The following PTPRQ variants were observed in gnomAD, a reference collection of about 807,000 sequenced individuals.
PTPRQ encodes the protein phosphatidylinositol phosphatase PTPRQ.
A neutral mutation model predicts 246.0 loss-of-function variants in PTPRQ; 199 were observed. The ratio of observed to expected loss-of-function variants is 0.81; its 90% CI spans 0.72 to 0.91. The LOEUF (loss-of-function observed/expected upper bound fraction) is 0.91, where lower values mean the gene tolerates loss of function less well. PTPRQ is among the 40% of genes least tolerant of loss of function. PTPRQ has a pLI of 0.00. For missense variants in PTPRQ, 2,624 were observed against 2,528.4 expected, an observed-to-expected ratio of 1.04 and a Z score of -0.81; for synonymous variants, 869 against 853.2, an observed-to-expected ratio of 1.02 and a Z score of -0.32.
intron 25 of PTPRQ, chr12:80,584,044 C>T (rs558146125): frequency 4.6e-5 from 7 of 152,224 alleles, no homozygotes; most frequent in Non-Finnish European, 7.4e-5. Context: ...TTTCTGAAAA[C>T]GGCCAAAAAT....
chr12:80,466,907 G>A (rs1367133675), intron 6 of PTPRQ, among the ~76,000 whole-genome samples: 26 of 152,082 alleles, frequency 1.7e-4, no homozygotes, highest in Non-Finnish European at 1.3e-4. Flanking sequence ...AAAAACCCTA[G>A]AAGTAAACCT....
chr12:80,602,304 A>G (rs1397085665), intron 26 of PTPRQ, among the ~76,000 whole-genome samples: 2 of 151,850 alleles, frequency 1.3e-5, no homozygotes, highest in Non-Finnish European at 2.9e-5. Flanking sequence ...AATTCCATAG[A>G]CATAATGTTA....
intron 32 of PTPRQ, among the ~76,000 whole-genome samples, chr12:80,621,211 T>C (rs1374382244): frequency 6.6e-6 from 1 of 151,924 alleles, no homozygotes; most frequent in Non-Finnish European, 1.5e-5. Flanking sequence ...TAAATGCAAT[T>C]ACTTTGGTTC....
intron 25 of PTPRQ, among the ~76,000 whole-genome samples, chr12:80,560,670 T>G (rs1896796392): frequency 6.6e-6 from 1 of 152,218 alleles, no homozygotes; most frequent in Admixed American, 6.5e-5. Context: ...ACAGATACTC[T>G]TACACATAAC....
At chr12:80,626,120 G>C (rs767695072) in intron 33 of PTPRQ, among the ~76,000 whole-genome samples, 8 of 152,134 alleles carry the variant, frequency 5.3e-5, no homozygotes, top group Non-Finnish European at 8.8e-5. Flanking sequence ...TGCTCACTTA[G>C]ATTCAGAAAT....
At chr12:80,543,635 T>C (rs3860255) in intron 23 of PTPRQ, among the ~76,000 whole-genome samples, 61,131 of 152,032 alleles carry the variant, frequency 0.4, 16,045 homozygotes, top group African/African-American at 0.75. Context: ...ATATTATGAG[T>C]ATTACAATTT....
intron 8 of PTPRQ, among the ~76,000 whole-genome samples, chr12:80,481,878 A>G (rs1336793157): frequency 6.6e-6 from 1 of 151,822 alleles, no homozygotes; most frequent in African/African-American, 2.4e-5. Flanking sequence ...ATAAAAGAGG[A>G]TACAAACAAA....
At chr12:80,585,811 C>A (rs1298950291) in intron 25 of PTPRQ, among the ~76,000 whole-genome samples, 3 of 150,768 alleles carry the variant, frequency 2.0e-5, no homozygotes, top group African/African-American at 7.3e-5. Flanking sequence ...TATACATGTG[C>A]CATGCTGGTG....
chr12:80,611,880 C>A (rs1190324278), intron 28 of PTPRQ, among the ~76,000 whole-genome samples: 1 of 150,420 alleles, frequency 6.6e-6, no homozygotes, highest in African/African-American at 2.4e-5. Flanking sequence ...CTTGAACCAA[C>A]TTAACCTTTA....
At chr12:80,468,053 G>GT (rs140536566) in intron 6 of PTPRQ, among the ~76,000 whole-genome samples, 14,688 of 152,012 alleles carry the variant, frequency 0.097, 1,508 homozygotes, top group African/African-American at 0.25. Flanking sequence ...GTCATACAAG[G>GT]TGAAATTTGC....
chr12:80,640,729 C>G (rs749110537), intron 35 of PTPRQ, among the ~76,000 whole-genome samples: 4 of 152,050 alleles, frequency 2.6e-5, no homozygotes, highest in African/African-American at 4.8e-5. Flanking sequence ...GTTTAATGCA[C>G]TATTTTTTCC....
chr12:80,607,730 C>T (rs1288624437), intron 27 of PTPRQ, among the ~76,000 whole-genome samples: 2 of 150,862 alleles, frequency 1.3e-5, no homozygotes, highest in South Asian at 2.1e-4. Context: ...ACCGATAAAA[C>T]TCTTAACTTT....
chr12:80,602,075 G>A lies in PTPRQ; in HGVS notation c.4610-2984G>A, dbSNP rs77633393. Among the ~76,000 whole-genome samples the A allele has an allele frequency of 5.7e-3, 862 of 151,752 alleles. 7 individuals carry two copies. Among genetic ancestry groups the A allele is most frequent in the African/African-American group, 0.019 (799 of 41,464 alleles). On this transcript the variant is annotated intron_variant, in intron 26 of 44. Transcript: ENST00000644991. ...CTCCCCTGGATGTTTTCTTGGCAAT[G>A]TAAAACTGGATCTTTGAGTACGGGG...
At chr12:80,513,594 A>G (rs1234291847) in intron 17 of PTPRQ, among the ~76,000 whole-genome samples, 2 of 152,102 alleles carry the variant, frequency 1.3e-5, no homozygotes, top group Non-Finnish European at 2.9e-5. Flanking sequence ...GCCTGTCCTC[A>G]TCTAGGTCCC....
At chr12:80,652,930 T>TAA in intron 38 of PTPRQ, 96 bp downstream of exon 38, 1 of 1,256,262 alleles carries the variant, frequency 8.0e-7, no homozygotes, top group Non-Finnish European at 1.0e-6. Context: ...TATTTTATAT[T>TAA]GTTTGAATTA....
At chr12:80,678,580 C>T (rs776589850) in intron 43 of PTPRQ, 22 bp from the exon 44 acceptor site, 2 of 1,529,624 alleles carry the variant, frequency 1.3e-6, no homozygotes, top group African/African-American at 1.4e-5. Context: ...ATTTGTTTAA[C>T]CACTCTGTCT....
intron 14 of PTPRQ, among the ~76,000 whole-genome samples, chr12:80,504,445 T>C (rs1241939972): frequency 2.6e-5 from 4 of 151,846 alleles, no homozygotes; most frequent in Non-Finnish European, 5.9e-5. Context: ...TGAAACACAT[T>C]AAACATTTCT....
At chr12:80,526,310 G>A (rs575950955) in intron 17 of PTPRQ, among the ~76,000 whole-genome samples, 1 of 152,306 alleles carries the variant, frequency 6.6e-6, no homozygotes, top group South Asian at 2.1e-4. Context: ...CTAAGTTGGA[G>A]AACTAGTTCT....
chr12:80,535,617 T>A (rs1895963610), intron 19 of PTPRQ, among the ~76,000 whole-genome samples: 1 of 152,204 alleles, frequency 6.6e-6, no homozygotes, highest in Non-Finnish European at 1.5e-5. Context: ...GCACAGTTTG[T>A]AGATGGGCAC....
Sources: gnomAD v4.1 joint callset for allele counts (sites outside exome capture counted in the v4.1 genomes callset) on GRCh38, gnomAD v4.1.1 for gene constraint, MANE v1.5 for transcripts, NCBI Gene and HGNC (gene_info 2026-07-23, HGNC 2026-07-21) for gene names.